Variants in RAB21 observed in about 807,000 individuals in gnomAD.
RAB21 encodes the protein ras-related protein Rab-21.
A neutral mutation model predicts 33.1 loss-of-function variants in RAB21; 13 were observed. The ratio of observed to expected loss-of-function variants is 0.39; its 90% CI spans 0.26 to 0.62. The LOEUF is 0.62. Among genes scored for constraint, RAB21 ranks in the 20% least tolerant of loss-of-function variants. The pLI is 0.48. For synonymous variants in RAB21, 91 were observed against 103.7 expected, an observed-to-expected ratio of 0.88 and a Z score of 0.74; for missense variants, 234 against 279.1, an observed-to-expected ratio of 0.84 and a Z score of 1.15.
At chr12:71,785,434 A>G in intron 6 of RAB21, 97 bp from the exon 7 acceptor site, 1 of 1,389,072 alleles carries the variant, frequency 7.2e-7, no homozygotes, top group Non-Finnish European at 9.8e-7. Flanking sequence ...TGTTGGTCGA[A>G]AGTCAGAAAT....
chr12:71,772,948 T>G (rs1371864552), intron 3 of RAB21, among the ~76,000 whole-genome samples: 1 of 152,214 alleles, frequency 6.6e-6, no homozygotes, highest in Non-Finnish European at 1.5e-5. Flanking sequence ...AAGTGTTACA[T>G]TTGTACACCA....
Position 71,755,270 on chromosome 12 carries a change from G to T in RAB21, c.141G>T (p.Lys47Asn). The change falls in exon 1 of 7, where the codon AAG (lysine) becomes AAT (asparagine). Residue 47 changes from lysine (K) to asparagine (N), a missense_variant. Lys to Asn is a moderately conservative substitution (Grantham distance 94). Coordinates refer to ENST00000261263, the MANE Select transcript of RAB21 (RefSeq NM_014999.4). ...LRYCENKFND[K>N]HITTLQASFL... ...ACTGCGAGAACAAGTTTAACGACAAGCACATCACCACTCTGCAGGTGCGGA... is the reference window on the plus strand; with the variant it reads ...ACTGCGAGAACAAGTTTAACGACAATCACATCACCACTCTGCAGGTGCGGA... 1 of 1,537,030 alleles carries T rather than the reference G, an allele frequency of 6.5e-7. No homozygotes were observed. The highest frequency in any genetic ancestry group is 8.7e-7 in the Non-Finnish European group (1 of 1,145,746).
At chr12:71,777,285 A>G (rs1033323294) in intron 4 of RAB21, among the ~76,000 whole-genome samples, 7 of 152,176 alleles carry the variant, frequency 4.6e-5, no homozygotes, top group Admixed American at 3.9e-4. Flanking sequence ...TTTTATATAA[A>G]TGGAATCATA....
intron 4 of RAB21, among the ~76,000 whole-genome samples, chr12:71,776,712 TAAA>T (rs879933987): frequency 7.1e-6 from 1 of 140,910 alleles, no homozygotes; most frequent in African/African-American, 2.6e-5. Flanking sequence ...GTCTCCCGTT[TAAA>T]AAAAAAAAAA....
intron 1 of RAB21, among the ~76,000 whole-genome samples, chr12:71,764,756 C>T (rs374034897): frequency 1.3e-5 from 2 of 152,154 alleles, no homozygotes; most frequent in African/African-American, 4.8e-5. Flanking sequence ...TGGCCTCCAG[C>T]TCCATCCAAG....
Position 71,786,191 on chromosome 12 carries a change from G to T in RAB21, c.*518G>T, listed in dbSNP as rs575526144. 1 of 152,890 alleles carries T rather than the reference G, an allele frequency of 6.5e-6. No homozygotes were observed. Among genetic ancestry groups the T allele is most frequent in the South Asian group, 2.1e-4 (1 of 4,826 alleles). 9.5% of individuals were successfully genotyped at this position (152,890 alleles called of 1,614,324 possible). A position where few individuals can be genotyped will look rare whatever the true frequency, so the allele number is the denominator to read the frequency against. The stretch of plus-strand genomic sequence containing the variant: ...GCTGGGATTACAGGCGTGAGCCACC[G>T]TGCCCGGCCTACAAATGTTAACAAA... On this transcript the variant is annotated 3_prime_UTR_variant, in exon 7 of 7. Transcript: ENST00000261263.
Position 71,792,822 on chromosome 12 carries a change from T to C in RAB21, c.*7149T>C, listed in dbSNP as rs1009892212. 2 of 152,116 alleles carry C rather than the reference T, an allele frequency of 1.3e-5. No individual in the cohort carries two copies. Among genetic ancestry groups the C allele is most frequent in the Admixed American group, 6.5e-5 (1 of 15,274 alleles). The allele number at this position is 152,116 out of a possible 1,614,324, so 9.4% of individuals were successfully genotyped here. ...TACCTGTTGCACATAGTCCAAGATA[T>C]AAGTAATTTATCTGGGGATATAAGG... On this transcript the variant is annotated 3_prime_UTR_variant, in exon 7 of 7. Coordinates refer to ENST00000261263, the MANE Select transcript of RAB21 (RefSeq NM_014999.4).
intron 1 of RAB21, among the ~76,000 whole-genome samples, chr12:71,757,931 T>C (rs1882809326): frequency 6.6e-6 from 1 of 152,188 alleles, no homozygotes; most frequent in Non-Finnish European, 1.5e-5. Context: ...GTCAAGTGAT[T>C]GTCCCCCTTT....
intron 3 of RAB21, 32 bp downstream of exon 3, chr12:71,770,731 A>G: frequency 7.2e-7 from 1 of 1,381,826 alleles, no homozygotes; most frequent in Non-Finnish European, 1.0e-6. Context: ...GTCTTAGAAG[A>G]ACAATAGTAA....
intron 1 of RAB21, among the ~76,000 whole-genome samples, chr12:71,757,602 T>A (rs1267035545): frequency 2.0e-5 from 3 of 152,256 alleles, no homozygotes; most frequent in Non-Finnish European, 2.9e-5. Context: ...TGTACACCAA[T>A]GTATGTAAAC....
Position 71,770,625 on chromosome 12 carries a change from G to T in RAB21, c.253G>T (p.Gly85Cys), listed in dbSNP as rs1465434536. Residue 85 changes from glycine to cysteine, a missense_variant, in exon 3 of 7, where the codon GGT (glycine) becomes TGT (cysteine). Transcript: ENST00000261263. Reference sequence around the variant, plus strand: ...AGGTCAAGAGAGATTCCATGCATTGGGTCCAATTTACTACAGAGATTCAAA... The same window carrying T: ...AGGTCAAGAGAGATTCCATGCATTGTGTCCAATTTACTACAGAGATTCAAA... ...TAGQERFHAL[G>C]PIYYRDSNGA... The T allele has an allele frequency of 6.2e-7, 1 of 1,608,160 alleles. No homozygotes were observed.
At chr12:71,757,887 T>C (rs199849956) in intron 1 of RAB21, among the ~76,000 whole-genome samples, 147 of 152,330 alleles carry the variant, frequency 9.7e-4, no homozygotes, top group Non-Finnish European at 1.6e-3. Flanking sequence ...AAGACAGTTA[T>C]GTATGGATCA....
At chr12:71,770,742 T>C in intron 3 of RAB21, 43 bp downstream of exon 3, 2 of 1,309,530 alleles carry the variant, frequency 1.5e-6, no homozygotes, top group Non-Finnish European at 2.1e-6. Context: ...ACAATAGTAA[T>C]TTTTCAAGTT....
intron 1 of RAB21, among the ~76,000 whole-genome samples, chr12:71,761,929 G>A (rs1882878052): frequency 6.6e-6 from 1 of 152,100 alleles, no homozygotes; most frequent in African/African-American, 2.4e-5. Context: ...AATATTTTGA[G>A]TGTTCAAAGT....
At chr12:71,755,723 G>A (rs889473887) in intron 1 of RAB21, among the ~76,000 whole-genome samples, 2 of 152,212 alleles carry the variant, frequency 1.3e-5, no homozygotes, top group South Asian at 4.1e-4. Context: ...TGATGACTAA[G>A]TGTTTATGCA....
At position 71,766,988 on chromosome 12, in the gene RAB21, A is replaced by G. The variant is rs372859843; in HGVS notation, c.160-2812A>G. 5.3e-5 allele frequency among the ~76,000 whole-genome samples: 8 copies of G among 152,310 alleles called. No homozygotes were observed. The East Asian group carries it at 1.3e-3, about 26-fold the overall frequency. On this transcript the variant is annotated intron_variant, in intron 1 of 6. Coordinates refer to ENST00000261263, the MANE Select transcript of RAB21 (RefSeq NM_014999.4). ...CCCAACTTTTATAAAGAAGCAGCTTATGAATGATTTTGTGAAAAGTGCATA... is the reference window on the plus strand; with the variant it reads ...CCCAACTTTTATAAAGAAGCAGCTTGTGAATGATTTTGTGAAAAGTGCATA...
rs922636127 is a variant in RAB21, at chr12:71,795,173, G to A, written c.*9500G>A. 4 of 152,040 alleles carry A rather than the reference G, an allele frequency of 2.6e-5. No homozygotes were observed. The highest frequency in any genetic ancestry group is 4.4e-5 in the Non-Finnish European group (3 of 68,012). The allele number at this position is 152,040 out of a possible 1,614,324, so 9.4% of individuals were successfully genotyped here. On this transcript the variant is annotated 3_prime_UTR_variant, in exon 7 of 7. Transcript: ENST00000261263. ...GATAATGAATTCTAGGAATATGGAT[G>A]GATTTCATTAGAGAAATAAAAATGA...
In RAB21 at chr12:71,785,681, C is replaced by T. The variant is rs761706924; in HGVS notation, c.*8C>T. The stretch of plus-strand genomic sequence containing the variant: ...TGCTGTTCTTCTGGATAACTGTTCA[C>T]GCCTAAGAAATTAAAAGACAGAACA... On this transcript the variant is annotated 3_prime_UTR_variant, in exon 7 of 7. Transcript: ENST00000261263. 2.4e-5 allele frequency: 39 copies of T among 1,613,912 alleles called. 2 individuals carry two copies. The highest frequency in any genetic ancestry group is 2.0e-4 in the Admixed American group (12 of 59,998).
chr12:71,774,172 T>G (rs944035377), intron 4 of RAB21, 150 bp downstream of exon 4: 4 of 484,270 alleles, frequency 8.3e-6, no homozygotes, highest in Non-Finnish European at 6.8e-6. Flanking sequence ...TTTAGCCTGG[T>G]GCAGTGGCTC....
Sources: allele counts gnomAD v4.1 joint callset (sites outside exome capture counted in the v4.1 genomes callset), GRCh38; gene constraint gnomAD v4.1.1; transcripts MANE v1.5; gene names NCBI Gene and HGNC (gene_info 2026-07-23, HGNC 2026-07-21).